The following NSMCE1 variants were observed in gnomAD, a reference collection of about 807,000 sequenced individuals.
The protein encoded by NSMCE1 is NSE1 component of SMC5/6 complex.
NSMCE1 carries 18 observed loss-of-function variants against 29.6 expected under a neutral mutation model. The observed-to-expected ratio is 0.61, with a 90% confidence interval of 0.42 to 0.90. The LOEUF (loss-of-function observed/expected upper bound fraction) is 0.90, where lower values mean the gene tolerates loss of function less well. Among genes scored for constraint, NSMCE1 ranks in the 40% least tolerant of loss-of-function variants. The pLI is 0.00. For synonymous variants in NSMCE1, 124 were observed against 133.4 expected, an observed-to-expected ratio of 0.93 and a Z score of 0.49; for missense variants, 314 against 343.6, an observed-to-expected ratio of 0.91 and a Z score of 0.68.
At chr16:27,257,005 G>A (rs1212971282) in intron 2 of NSMCE1, among the ~76,000 whole-genome samples, 1 of 152,098 alleles carries the variant, frequency 6.6e-6, no homozygotes, top group Non-Finnish European at 1.5e-5. Flanking sequence ...GTGAGCCACC[G>A]CACCCAGCCA....
Position 27,235,251 on chromosome 16 carries a change from C to G in NSMCE1, c.185G>C (p.Ser62Thr). The change falls in exon 3 of 8, where the codon AGT becomes ACT. Residue 62 changes from serine to threonine, a missense_variant. Physicochemically the swap from Ser to Thr is moderately conservative, Grantham distance 58. Coordinates refer to ENST00000361439, the MANE Select transcript of NSMCE1 (RefSeq NM_145080.4). ...KLEDFINNIN[S>T]VLESLYIEIK... is the part of the protein sequence containing the mutation. Reference sequence around the variant, plus strand: ...CTCAATATACAAGGACTCCAAGACACTGTTAATGTTGTTGATGAAGTCCTC... The same window carrying G: ...CTCAATATACAAGGACTCCAAGACAGTGTTAATGTTGTTGATGAAGTCCTC... 3 of 1,613,416 alleles carry G rather than the reference C, an allele frequency of 1.9e-6. No homozygotes were observed. The South Asian group carries it at 3.3e-5, about 18-fold the overall frequency.
rs1041110504 is a variant in NSMCE1, at chr16:27,264,632, T to C, written c.-12+4074A>G. Among the ~76,000 whole-genome samples the C allele has an allele frequency of 3.3e-5, 5 of 152,140 alleles. 1 individual carries two copies. Among genetic ancestry groups the C allele is most frequent in the African/African-American group, 1.2e-4 (5 of 41,414 alleles). On this transcript the variant is annotated intron_variant, in intron 1 of 7. Coordinates refer to ENST00000361439, the MANE Select transcript of NSMCE1 (RefSeq NM_145080.4). ...ACCTCATACTATATACAAACATCAA[T>C]TCTGAAGGGATAAGGTCATAATAAG...
At chr16:27,256,974 C>T (rs1033990857) in intron 2 of NSMCE1, among the ~76,000 whole-genome samples, 1 of 152,142 alleles carries the variant, frequency 6.6e-6, no homozygotes. Context: ...ACCTTGATTC[C>T]CAGAGTGCAG....
intron 1 of NSMCE1, chr16:27,268,270 AG>A (rs34937141): frequency 6.6e-6 from 1 of 152,128 alleles, no homozygotes; most frequent in Non-Finnish European, 1.5e-5. Flanking sequence ...CACAAAACAG[AG>A]GGGAGCACGG....
intron 5 of NSMCE1, among the ~76,000 whole-genome samples, chr16:27,231,400 G>A (rs1260930248): frequency 6.6e-6 from 1 of 152,200 alleles, no homozygotes; most frequent in East Asian, 1.9e-4. Context: ...ACTTTGGGAG[G>A]CTGAGGCAGG....
At chr16:27,234,662 T>C (rs903140044) in intron 3 of NSMCE1, among the ~76,000 whole-genome samples, 2 of 152,216 alleles carry the variant, frequency 1.3e-5, no homozygotes, top group Non-Finnish European at 2.9e-5. Flanking sequence ...TTCCAGGGAA[T>C]TGAGTTTGGG....
chr16:27,262,776 C>A (rs1380520195), intron 1 of NSMCE1, among the ~76,000 whole-genome samples: 1 of 152,028 alleles, frequency 6.6e-6, no homozygotes, highest in East Asian at 1.9e-4. Flanking sequence ...TTCTGCACAG[C>A]AAAAGAAACT....
At chr16:27,251,481 G>A (rs920864121) in intron 2 of NSMCE1, among the ~76,000 whole-genome samples, 6 of 151,866 alleles carry the variant, frequency 4.0e-5, no homozygotes, top group African/African-American at 7.3e-5. Flanking sequence ...TGGTTATGTC[G>A]TACCATCCTT....
intron 5 of NSMCE1, among the ~76,000 whole-genome samples, chr16:27,231,060 C>T (rs1186273492): frequency 6.6e-6 from 1 of 152,244 alleles, no homozygotes; most frequent in Non-Finnish European, 1.5e-5. Context: ...AAGCAGGGTG[C>T]AAAGTGTTGT....
At chr16:27,249,862 C>A (rs899045932) in intron 2 of NSMCE1, among the ~76,000 whole-genome samples, 1 of 152,180 alleles carries the variant, frequency 6.6e-6, no homozygotes, top group African/African-American at 2.4e-5. Flanking sequence ...AGAATTGATA[C>A]CTTAACAATA....
At chr16:27,256,267 A>G (rs2084085740) in intron 2 of NSMCE1, among the ~76,000 whole-genome samples, 1 of 152,208 alleles carries the variant, frequency 6.6e-6, no homozygotes. Flanking sequence ...AGAGGTGACA[A>G]CCAGTAGACT....
At chr16:27,248,241 T>C (rs2083978535) in intron 2 of NSMCE1, among the ~76,000 whole-genome samples, 1 of 152,082 alleles carries the variant, frequency 6.6e-6, no homozygotes, top group African/African-American at 2.4e-5. Context: ...TCATAGGAAA[T>C]TGCCACACTG....
chr16:27,243,503 C>T (rs1263181647), intron 2 of NSMCE1, among the ~76,000 whole-genome samples: 1 of 152,194 alleles, frequency 6.6e-6, no homozygotes. Flanking sequence ...CTACATCAAC[C>T]TGCCCAGAAA....
At chr16:27,245,932 A>G (rs1484133185) in intron 2 of NSMCE1, among the ~76,000 whole-genome samples, 2 of 152,222 alleles carry the variant, frequency 1.3e-5, no homozygotes, top group East Asian at 3.8e-4. Flanking sequence ...CCTTGGAAAG[A>G]GAAGGTGCTT....
chr16:27,244,894 G>C (rs1027412350), intron 2 of NSMCE1, among the ~76,000 whole-genome samples: 2 of 152,212 alleles, frequency 1.3e-5, no homozygotes, highest in African/African-American at 4.8e-5. Context: ...TCCACGAACC[G>C]AGGAAGATGT....
At chr16:27,242,741 A>G (rs2083908217) in intron 2 of NSMCE1, among the ~76,000 whole-genome samples, 1 of 152,242 alleles carries the variant, frequency 6.6e-6, no homozygotes, top group African/African-American at 2.4e-5. Context: ...CTGTTCATAC[A>G]CATTTCATCT....
intron 2 of NSMCE1, among the ~76,000 whole-genome samples, chr16:27,256,064 T>G (rs1161709990): frequency 6.6e-6 from 1 of 152,186 alleles, no homozygotes; most frequent in Non-Finnish European, 1.5e-5. Context: ...AATGAAAGCA[T>G]CTTTTTGCCT....
chr16:27,254,866 C>CTTTTTT lies in NSMCE1; in HGVS notation c.136+2563_136+2568dup, dbSNP rs61088115. On this transcript the variant is annotated intron_variant, in intron 2 of 7. Coordinates refer to ENST00000361439, the MANE Select transcript of NSMCE1 (RefSeq NM_145080.4). ...GGGGTAGGTTTAAAGTCCAACCATG[C>CTTTTTT]TTTTTTTTTTTTTTTTTTTTTTTTT... Among the ~76,000 whole-genome samples, 10 of 46,912 alleles carry CTTTTTT rather than the reference C, an allele frequency of 2.1e-4. 1 individual carries two copies. Among genetic ancestry groups the CTTTTTT allele is most frequent in the African/African-American group, 3.6e-4 (4 of 11,082 alleles). The allele number at this position is 46,912 out of a possible 152,430, so 30.8% of individuals were successfully genotyped here.
intron 2 of NSMCE1, chr16:27,241,939 G>A (rs1364066792): frequency 2.5e-6 from 1 of 398,342 alleles, no homozygotes; most frequent in Non-Finnish European, 5.2e-6. Flanking sequence ...TCAGATGTCT[G>A]GCCATTAGCT....
Sources: gnomAD v4.1 joint callset for allele counts (sites outside exome capture counted in the v4.1 genomes callset) on GRCh38, gnomAD v4.1.1 for gene constraint, MANE v1.5 for transcripts, NCBI Gene and HGNC (gene_info 2026-07-23, HGNC 2026-07-21) for gene names.